The following TICRR variants were observed in gnomAD, a reference collection of about 807,000 sequenced individuals.
TICRR encodes the protein TOPBP1 interacting checkpoint and replication regulator, also known as treslin.
In TICRR, 132 loss-of-function variants were observed where a neutral mutation model predicts 178.1. That is an observed-to-expected ratio of 0.74 (90% CI 0.64 to 0.86). The LOEUF (loss-of-function observed/expected upper bound fraction) is 0.86, where lower values mean the gene tolerates loss of function less well. Ranked by LOEUF, TICRR falls within the 40% of genes least tolerant of loss-of-function variation. The pLI, the probability that TICRR is intolerant of heterozygous loss-of-function variation, is 0.00. For synonymous variants in TICRR, 991 were observed against 900.7 expected, an observed-to-expected ratio of 1.10 and a Z score of -1.79; for missense variants, 2,587 against 2,334.3, an observed-to-expected ratio of 1.11 and a Z score of -2.23.
At position 89,575,536 on chromosome 15, in the gene TICRR, G is replaced by A. The variant is rs56144360; in HGVS notation, c.-51G>A. ...TGTTTCCCTGAAGGAAGGGACTAAG[G>A]GACGGTGGCGCGGGCCCGGACCGGG... On this transcript the variant is annotated 5_prime_UTR_variant, in exon 1 of 22. Transcript: ENST00000268138. 0.32 allele frequency: 460,538 copies of A among 1,436,082 alleles called. 75,536 individuals carry two copies. Among genetic ancestry groups the A allele is most frequent in the Middle Eastern group, 0.38 (1,838 of 4,872 alleles). The allele number at this position is 1,436,082 out of a possible 1,614,324, so 89.0% of individuals were successfully genotyped here.
At position 89,576,078 on chromosome 15, in the gene TICRR, G is replaced by C. The variant is rs1962608694; in HGVS notation, c.492G>C (p.Gln164His). The C allele has an allele frequency of 8.1e-6, 13 of 1,612,266 alleles. No homozygotes were observed. Among genetic ancestry groups the C allele is most frequent in the Non-Finnish European group, 1.1e-5 (13 of 1,179,956 alleles). Residue 164 changes from glutamine (Q) to histidine (H), a missense_variant, in exon 1 of 22, where the codon CAG becomes CAC. Gln to His is a conservative substitution (Grantham distance 24). Coordinates refer to ENST00000268138, the MANE Select transcript of TICRR (RefSeq NM_152259.4). Reference sequence around the variant, plus strand: ...TCCTGGCCCCCTGTCCGCACTCGCAGAGGGAGCTGCTGCAGTTCGTGTCTG... The same window carrying C: ...TCCTGGCCCCCTGTCCGCACTCGCACAGGGAGCTGCTGCAGTTCGTGTCTG... Reference protein sequence around the residue: ...VFLLAPCPHSQRELLQFVSGC... With the variant: ...VFLLAPCPHSHRELLQFVSGC...
At chr15:89,599,800 C>A (rs999944477) in intron 8 of TICRR, among the ~76,000 whole-genome samples, 5 of 152,118 alleles carry the variant, frequency 3.3e-5, no homozygotes, top group Admixed American at 2.0e-4. Flanking sequence ...GAATCACTTA[C>A]AGCATTTAAA....
At chr15:89,584,567 A>G in intron 3 of TICRR, 40 bp downstream of exon 3, 4 of 1,504,136 alleles carry the variant, frequency 2.7e-6, no homozygotes, top group Non-Finnish European at 3.6e-6. Context: ...TTGTCTAACA[A>G]CACACTGGTA....
chr15:89,575,607 A>G lies in TICRR; in HGVS notation c.21A>G (p.Val7=), dbSNP rs1425845163. ...CCGATATGGCATGCTGTCACAAAGT[A>G]ATGCTGCTGCTGGACACCGCGGGCG... is the stretch of plus-strand genomic sequence containing the variant. MACCHK[V]MLLLDTAGGA... Residue 7 remains valine, a synonymous_variant, in exon 1 of 22, where the codon GTA becomes GTG. Coordinates refer to ENST00000268138, the MANE Select transcript of TICRR (RefSeq NM_152259.4). 15 of 1,519,782 alleles carry G rather than the reference A, an allele frequency of 9.9e-6. No homozygotes were observed. Among genetic ancestry groups the G allele is most frequent in the Middle Eastern group, 1.7e-4 (1 of 5,750 alleles). The allele number at this position is 1,519,782 out of a possible 1,614,324, so 94.1% of individuals were successfully genotyped here. A position where few individuals can be genotyped will look rare whatever the true frequency, so the allele number is the denominator to read the frequency against.
chr15:89,579,318 C>A (rs906645983), intron 1 of TICRR, among the ~76,000 whole-genome samples: 1 of 152,078 alleles, frequency 6.6e-6, no homozygotes, highest in African/African-American at 2.4e-5. Flanking sequence ...AAAAATGTGA[C>A]CATACTCTAT....
At position 89,599,422 on chromosome 15, in the gene TICRR, A is replaced by G; in HGVS notation, c.1999A>G (p.Met667Val). The change falls in exon 8 of 22, where the codon ATG becomes GTG. Residue 667 changes from methionine (M) to valine (V), a missense_variant. Coordinates refer to ENST00000268138, the MANE Select transcript of TICRR (RefSeq NM_152259.4). ...CATGTTGTATGCATGTGCTCGAAAC[A>G]TGATCTCAACCGTTAAAATGTTCCT... is the stretch of plus-strand genomic sequence containing the variant. ...EIMLYACARN[M>V]ISTVKMFLKS... The G allele has an allele frequency of 1.2e-6, 2 of 1,613,816 alleles. No individual in the cohort carries two copies. Among genetic ancestry groups the G allele is most frequent in the Non-Finnish European group, 1.7e-6 (2 of 1,179,900 alleles).
In TICRR at chr15:89,575,634, C is replaced by T. The variant is rs1335992463; in HGVS notation, c.48C>T (p.Gly16=). Residue 16 remains glycine, a synonymous_variant, in exon 1 of 22, where the codon GGC becomes GGT. Transcript: ENST00000268138. Reference sequence around the variant, plus strand: ...TGCTGCTGCTGGACACCGCGGGCGGCGCCGCCCGCCACAGCCGGGTCCGGC... The same window carrying T: ...TGCTGCTGCTGGACACCGCGGGCGGTGCCGCCCGCCACAGCCGGGTCCGGC... ...KVMLLLDTAG[G]AARHSRVRRA... 1.5e-5 allele frequency: 23 copies of T among 1,548,272 alleles called. No homozygotes were observed. The highest frequency in any genetic ancestry group is 2.8e-5 in the African/African-American group (2 of 72,674).
intron 16 of TICRR, 137 bp from the exon 17 acceptor site, chr15:89,618,015 T>C (rs926296638): frequency 1.2e-6 from 1 of 868,430 alleles, no homozygotes; most frequent in South Asian, 1.5e-5. Flanking sequence ...TAATCACGTA[T>C]GAGAGCCCTT....
At chr15:89,619,582 C>G (rs1596057355) in intron 17 of TICRR, 126 bp from the exon 18 acceptor site, 1 of 986,138 alleles carries the variant, frequency 1.0e-6, no homozygotes. Context: ...TCTCTTAAAG[C>G]TAATAGCTTG....
At chr15:89,593,971 CCTCTT>C (rs924833759) in intron 5 of TICRR, among the ~76,000 whole-genome samples, 2 of 152,174 alleles carry the variant, frequency 1.3e-5, no homozygotes, top group African/African-American at 4.8e-5. Flanking sequence ...CCTACTTCCT[CCTCTT>C]CTCATCAATC....
rs373455699 is a variant in TICRR at position 89,575,684 on chromosome 15, A to G, written c.98A>G (p.Tyr33Cys). The change falls in exon 1 of 22, where the codon TAT becomes TGT. Residue 33 changes from tyrosine to cysteine, a missense_variant. By Grantham distance (194) the Tyr-to-Cys change is radical. Coordinates refer to ENST00000268138, the MANE Select transcript of TICRR (RefSeq NM_152259.4). ...CGGGCCGCCCTGCGCCTCCTCACCTATCTGAGTTGCCGATTCGGCCTGGCC... is the reference window on the plus strand; with the variant it reads ...CGGGCCGCCCTGCGCCTCCTCACCTGTCTGAGTTGCCGATTCGGCCTGGCC... Reference protein sequence around the residue: ...VRRAALRLLTYLSCRFGLARV... With the variant: ...VRRAALRLLTCLSCRFGLARV... 2 of 1,601,830 alleles carry G rather than the reference A, an allele frequency of 1.2e-6. No homozygotes were observed. The highest frequency in any genetic ancestry group is 1.7e-6 in the Non-Finnish European group (2 of 1,175,844).
rs16943367 is a variant in TICRR at position 89,605,733 on chromosome 15, A to C, written c.2665-1035A>C. Among the ~76,000 whole-genome samples, 715 of 152,354 alleles carry C rather than the reference A, an allele frequency of 4.7e-3. 11 individuals are homozygous for C. The highest frequency in any genetic ancestry group is 0.016 in the African/African-American group (684 of 41,576). On this transcript the variant is annotated intron_variant, in intron 13 of 21. Transcript: ENST00000268138. ...TTAATCAATATAAGTAAGAATGATC[A>C]CATCTCATGTCTTATCAGCAAGACC...
chr15:89,588,277 T>C (rs1449058666), intron 4 of TICRR, among the ~76,000 whole-genome samples: 1 of 152,082 alleles, frequency 6.6e-6, no homozygotes, highest in Non-Finnish European at 1.5e-5. Flanking sequence ...TTTGCCGGGA[T>C]AGTCGTGAAG....
chr15:89,626,925 C>T (rs1963538837), intron 21 of TICRR, 31 bp from the exon 22 acceptor site: 2 of 1,607,794 alleles, frequency 1.2e-6, no homozygotes, highest in South Asian at 1.1e-5. Context: ...TCTGTGACTC[C>T]TGCATGCTAA....
intron 7 of TICRR, among the ~76,000 whole-genome samples, 184 bp downstream of exon 7, chr15:89,595,795 G>A (rs1962988207): frequency 6.6e-6 from 1 of 152,120 alleles, no homozygotes; most frequent in Admixed American, 6.5e-5. Flanking sequence ...TAAGGGAGGC[G>A]GAGGTTGTGG....
intron 13 of TICRR, among the ~76,000 whole-genome samples, chr15:89,606,052 AAGTT>A (rs1396923741): frequency 2.0e-5 from 3 of 152,306 alleles, no homozygotes; most frequent in Admixed American, 2.0e-4. Context: ...ATAAAGTTAA[AAGTT>A]AGGGTGTTCC....
intron 14 of TICRR, 25 bp downstream of exon 14, chr15:89,606,850 A>G (rs1372927095): frequency 6.3e-7 from 1 of 1,598,522 alleles, no homozygotes; most frequent in Non-Finnish European, 8.6e-7. Flanking sequence ...CAGTGTATGT[A>G]TTTATTCACT....
At position 89,576,128 on chromosome 15, in the gene TICRR, TGCC is replaced by T. The variant is rs747292046; in HGVS notation, c.546_548del (p.Pro183del). On this transcript the variant is annotated inframe_deletion, in exon 1 of 22. Transcript: ENST00000268138. ...GGGTGCGAGGCCCAGGCCCAGCGCC[TGCC>T]GCCCACCCCTAAGCAGGTGATGGAG... 3 of 1,609,948 alleles carry T rather than the reference TGCC, an allele frequency of 1.9e-6. No individual in the cohort carries two copies. The highest frequency in any genetic ancestry group is 2.5e-6 in the Non-Finnish European group (3 of 1,180,000).
intron 15 of TICRR, among the ~76,000 whole-genome samples, chr15:89,615,050 C>T (rs1963312874): frequency 6.6e-6 from 1 of 152,226 alleles, no homozygotes; most frequent in African/African-American, 2.4e-5. Context: ...AGAATGTCAT[C>T]AGAGATTTGC....
Sources: allele counts gnomAD v4.1 joint callset (sites outside exome capture counted in the v4.1 genomes callset), GRCh38; gene constraint gnomAD v4.1.1; transcripts MANE v1.5; gene names NCBI Gene and HGNC (gene_info 2026-07-23, HGNC 2026-07-21).